The following MTDH variants were observed in gnomAD, a reference collection of about 807,000 sequenced individuals.
MTDH encodes the protein metadherin.
A neutral mutation model predicts 72.7 loss-of-function variants in MTDH; 34 were observed. That is an observed-to-expected ratio of 0.47 (90% CI 0.36 to 0.62). MTDH has a LOEUF of 0.62. Among genes scored for constraint, MTDH ranks in the 20% least tolerant of loss-of-function variants. MTDH has a pLI of 0.00. For missense variants in MTDH, 677 were observed against 699.4 expected (o/e 0.97, Z 0.36); for synonymous variants, 266 against 268.9 (o/e 0.99, Z 0.10).
At chr8:97,722,508 A>G (rs1295254466) in intron 10 of MTDH, among the ~76,000 whole-genome samples, 1 of 152,190 alleles carries the variant, frequency 6.6e-6, no homozygotes, top group Non-Finnish European at 1.5e-5. Context: ...AGGCTGAGGC[A>G]GGAGAATCGT....
In MTDH at chr8:97,644,585, G is replaced by A. The variant is rs1316005176; in HGVS notation, c.79G>A (p.Val27Ile). 6.2e-7 allele frequency: 1 copy of A among 1,608,224 alleles called. No individual in the cohort carries two copies. The highest frequency in any genetic ancestry group is 8.5e-7 in the Non-Finnish European group (1 of 1,179,142). ...GGCCCGGCTGCGGGAAATGCTCTCG[G>A]TCGGCCTAGGCTTTCTGCGCACCGA... ...GSARLREMLS[V>I]GLGFLRTELG... The change falls in exon 1 of 12, where the codon GTC becomes ATC. Residue 27 changes from valine (V) to isoleucine (I), a missense_variant. Physicochemically the swap from Val to Ile is conservative, Grantham distance 29. This residue lies in a region of MTDH where 467 missense variants were observed against 469.1 expected (regional missense o/e 1.00). Coordinates refer to ENST00000336273, the MANE Select transcript of MTDH (RefSeq NM_178812.4).
intron 2 of MTDH, among the ~76,000 whole-genome samples, chr8:97,663,675 G>C (rs1812261012): frequency 7.1e-6 from 1 of 140,790 alleles, no homozygotes; most frequent in Non-Finnish European, 1.5e-5. Context: ...CGTGAATCCA[G>C]GAAGTGCAGC....
intron 2 of MTDH, among the ~76,000 whole-genome samples, chr8:97,679,556 A>T (rs187398556): frequency 2.0e-5 from 3 of 152,200 alleles, no homozygotes; most frequent in Non-Finnish European, 4.4e-5. Context: ...TGATCTTCTT[A>T]CTTTTTCAAG....
intron 4 of MTDH, 23 bp from the exon 5 acceptor site, chr8:97,689,015 A>G (rs777635331): frequency 5.9e-6 from 8 of 1,360,482 alleles, no homozygotes; most frequent in Non-Finnish European, 6.2e-6. Context: ...GTATTAAATA[A>G]ATTTTATTTC....
intron 2 of MTDH, among the ~76,000 whole-genome samples, chr8:97,682,323 G>C (rs1427603391): frequency 1.5e-5 from 1 of 65,564 alleles, no homozygotes; most frequent in Non-Finnish European, 2.8e-5. Context: ...TTTTGAGATG[G>C]AGTCTTGCCC....
chr8:97,668,748 T>C (rs1270255291), intron 2 of MTDH, among the ~76,000 whole-genome samples: 1 of 152,084 alleles, frequency 6.6e-6, no homozygotes, highest in African/African-American at 2.4e-5. Context: ...AGAGATGGGA[T>C]TTCACCATGT....
chr8:97,699,083 C>T (rs1164182038), intron 6 of MTDH, among the ~76,000 whole-genome samples: 2 of 152,042 alleles, frequency 1.3e-5, no homozygotes, highest in African/African-American at 4.8e-5. Flanking sequence ...CCTAGGAGTT[C>T]AAGACCAGCC....
rs1448183825 is a variant in MTDH, at chr8:97,672,186, CTTAT to C, written c.483+11022_483+11025del. Among the ~76,000 whole-genome samples, 6 of 152,162 alleles carry C rather than the reference CTTAT, an allele frequency of 3.9e-5. No homozygotes were observed. In the South Asian group the frequency reaches 1.0e-3, roughly 26 times the overall value. The stretch of plus-strand genomic sequence containing the variant: ...AAAGTTTTATGGAAACACAGCCACA[CTTAT>C]TTATTTATCATTGGCAGTTTTTTAC... On this transcript the variant is annotated intron_variant, in intron 2 of 11. Coordinates refer to ENST00000336273, the MANE Select transcript of MTDH (RefSeq NM_178812.4).
intron 2 of MTDH, among the ~76,000 whole-genome samples, chr8:97,668,874 G>C (rs1182130202): frequency 6.6e-6 from 1 of 151,766 alleles, no homozygotes; most frequent in Non-Finnish European, 1.5e-5. Flanking sequence ...CTTTTATAAA[G>C]TTATGATGTG....
chr8:97,720,704 T>C (rs1044450734), intron 10 of MTDH, among the ~76,000 whole-genome samples: 3 of 149,084 alleles, frequency 2.0e-5, no homozygotes, highest in Non-Finnish European at 4.4e-5. Flanking sequence ...TGGAGTGCAG[T>C]GACGCAATCC....
chr8:97,683,599 G>T (rs1813228696), intron 2 of MTDH, among the ~76,000 whole-genome samples: 2 of 151,340 alleles, frequency 1.3e-5, no homozygotes, highest in East Asian at 1.9e-4. Flanking sequence ...CCTGTGTGTT[G>T]CCCTGGCTGG....
chr8:97,684,139 CAA>C (rs76185022), intron 2 of MTDH, among the ~76,000 whole-genome samples: 3 of 63,502 alleles, frequency 4.7e-5, no homozygotes, highest in African/African-American at 1.2e-4. Context: ...AACTCCTTCT[CAA>C]AAAAAAAAAA....
chr8:97,677,613 T>C (rs1812909982), intron 2 of MTDH, among the ~76,000 whole-genome samples: 1 of 152,160 alleles, frequency 6.6e-6, no homozygotes, highest in African/African-American at 2.4e-5. Flanking sequence ...GTTATATAAA[T>C]TGATCCAGAT....
rs564170062 is a variant in MTDH at position 97,661,082 on chromosome 8, G to A, written c.392G>A (p.Arg131Gln). ...KLSEKPKPNG[R>Q]TVEVAEGEAV... ...TTGTTGCCTGTGCAGCCAAATGGGC[G>A]GACTGTTGAAGTGGCTGAGGGTGAA... is the stretch of plus-strand genomic sequence containing the variant. Residue 131 changes from arginine to glutamine, a missense_variant, in exon 2 of 12, where the codon CGG (arginine) becomes CAG (glutamine). This residue lies in a region of MTDH where 467 missense variants were observed against 469.1 expected (regional missense o/e 1.00). Transcript: ENST00000336273. The A allele has an allele frequency of 1.9e-5, 30 of 1,612,250 alleles. No individual in the cohort carries two copies. Among genetic ancestry groups the A allele is most frequent in the East Asian group, 6.7e-5 (3 of 44,848 alleles).
intron 8 of MTDH, among the ~76,000 whole-genome samples, chr8:97,707,682 A>G (rs983318398): frequency 5.3e-5 from 8 of 151,954 alleles, no homozygotes; most frequent in African/African-American, 1.4e-4. Context: ...GCTGGGCTGT[A>G]TTTGTAATTT....
chr8:97,701,886 A>C (rs994100718), intron 7 of MTDH, among the ~76,000 whole-genome samples: 1 of 152,230 alleles, frequency 6.6e-6, no homozygotes, highest in African/African-American at 2.4e-5. Context: ...ACTTAATCAA[A>C]GTAATATGTA....
Position 97,728,792 on chromosome 8 carries a change from G to T in MTDH, c.*4122G>T, listed in dbSNP as rs1563579641. 1 of 149,322 alleles carries T rather than the reference G, an allele frequency of 6.7e-6. No homozygotes were observed. The allele number at this position is 149,322 out of a possible 1,614,324, so 9.2% of individuals were successfully genotyped here. ...AAAAAAAAATTAGAAACAAAAAAAA[G>T]ATTGTTTCTCTTTCATATTAAAGTT... On this transcript the variant is annotated 3_prime_UTR_variant, in exon 12 of 12. Coordinates refer to ENST00000336273, the MANE Select transcript of MTDH (RefSeq NM_178812.4).
chr8:97,711,626 C>G (rs1459132030), intron 8 of MTDH, among the ~76,000 whole-genome samples: 1 of 152,194 alleles, frequency 6.6e-6, no homozygotes, highest in Non-Finnish European at 1.5e-5. Context: ...CGCTCCCCAC[C>G]TCCACTTATA....
chr8:97,699,436 C>CA (rs533580426), intron 6 of MTDH, among the ~76,000 whole-genome samples: 1,790 of 127,826 alleles, frequency 0.014, 23 homozygotes, highest in African/African-American at 0.043. Context: ...GATCCTGTCT[C>CA]AAAAAAAAAA....
Sources: allele counts gnomAD v4.1 joint callset (sites outside exome capture counted in the v4.1 genomes callset), GRCh38; gene constraint gnomAD v4.1.1; regional missense constraint gnomAD v4.1.1; transcripts MANE v1.5; gene names NCBI Gene and HGNC (gene_info 2026-07-23, HGNC 2026-07-21).